Variants in TCF20 observed in about 807,000 individuals in gnomAD.
TCF20 encodes the protein SPRE-binding protein.
A neutral mutation model predicts 148.6 loss-of-function variants in TCF20; 3 were observed. That is an observed-to-expected ratio of 0.02 (90% confidence interval 0.01 to 0.05). The LOEUF is 0.05. Ranked by LOEUF, TCF20 falls within the 10% of genes least tolerant of loss-of-function variation. The pLI is 1.00. For missense variants in TCF20, 2,350 were observed against 2,429.3 expected (o/e 0.97, Z 0.69); for synonymous variants, 1,049 against 909.5 (o/e 1.15, Z -2.76).
rs576545128 is a variant in TCF20 at position 42,308,887 on chromosome 22, C to CAGAAATGGT, written c.-37+34583_-37+34591dup. Among the ~76,000 whole-genome samples the CAGAAATGGT allele has an allele frequency of 8.7e-4, 133 of 152,272 alleles. 1 individual carries two copies. Among genetic ancestry groups the CAGAAATGGT allele is most frequent in the African/African-American group, 2.7e-3 (114 of 41,540 alleles). On this transcript the variant is annotated intron_variant, in intron 1 of 1. Transcript: ENST00000515426. ...CTCTGAGCCTCAGTTTCCATCTCTACAGAAATGGTAGGTGGCACCTGCCTT... is the reference window on the plus strand; with the variant it reads ...CTCTGAGCCTCAGTTTCCATCTCTACAGAAATGGTAGAAATGGTAGGTGGCACCTGCCTT...
rs1480425777 is a variant in TCF20 at position 42,209,842 on chromosome 22, A to C, written c.5464T>G (p.Leu1822Val). ...ATEGSSEKTV[L>V]DSKPSVPTTS... The stretch of plus-strand genomic sequence containing the variant: ...GTGGGCACGGAGGGCTTCGAGTCCA[A>C]AACAGTCTTTTCACTGCTGCCCTCA... The change falls in exon 2 of 6, where the codon TTG becomes GTG. Residue 1822 changes from leucine (L) to valine (V), a missense_variant. Around this residue, in one of 7 missense-constraint regions of TCF20, gnomAD observed 374 missense variants for 398.3 expected, o/e 0.94. Coordinates refer to ENST00000677622, the MANE Select transcript of TCF20 (RefSeq NM_001378418.1). 1.2e-6 allele frequency: 2 copies of C among 1,614,160 alleles called. No homozygotes were observed. The highest frequency in any genetic ancestry group is 8.5e-7 in the Non-Finnish European group (1 of 1,180,022).
At chr22:42,315,036 G>A (rs1927604240) in intron 1 of TCF20, among the ~76,000 whole-genome samples, 1 of 152,060 alleles carries the variant, frequency 6.6e-6, no homozygotes, top group East Asian at 1.9e-4. Flanking sequence ...CAGGAAATTG[G>A]ATCTGATGAC....
chr22:42,212,083 G>A lies in TCF20; in HGVS notation c.3223C>T (p.Pro1075Ser). 2 of 1,614,086 alleles carry A rather than the reference G, an allele frequency of 1.2e-6. No homozygotes were observed. Among genetic ancestry groups the A allele is most frequent in the Non-Finnish European group, 1.7e-6 (2 of 1,180,020 alleles). Residue 1075 changes from proline (P) to serine (S), a missense_variant, in exon 2 of 6, where the codon CCT (proline) becomes TCT (serine). Transcript: ENST00000677622. ...AGCTGAGAATTCAAACCTGCGTTAG[G>A]GTCCCCATAAGCATGAGCCCGAGTA... ...ANTRAHAYGD[P>S]NAGLNSQLHY... is the part of the protein sequence containing the mutation.
Position 42,338,669 on chromosome 22 carries a change from A to G in TCF20, c.-37+4810T>C, listed in dbSNP as rs1469968408. On this transcript the variant is annotated intron_variant, in intron 1 of 1. Coordinates refer to the TCF20 transcript ENST00000515426. This position sits in a 1 kb window ranked among gnomAD's most constrained non-coding sequence, Gnocchi z 4.0. ...GACAGCCATGTTGCCAGCTCCTGCG[A>G]CGGAGGCTGCCAGGCGGGACGGGCT... is the stretch of plus-strand genomic sequence containing the variant. Among the ~76,000 whole-genome samples the G allele has an allele frequency of 1.3e-5, 2 of 152,230 alleles. No homozygotes were observed. Among genetic ancestry groups the G allele is most frequent in the East Asian group, 3.8e-4 (2 of 5,198 alleles).
chr22:42,218,961 G>C (rs1392764564), intron 1 of TCF20, among the ~76,000 whole-genome samples: 1 of 151,882 alleles, frequency 6.6e-6, no homozygotes, highest in Non-Finnish European at 1.5e-5. Context: ...AATATTCTTA[G>C]TATACATGAA....
chr22:42,255,419 G>T (rs552741229), intron 1 of TCF20, among the ~76,000 whole-genome samples: 1 of 152,040 alleles, frequency 6.6e-6, no homozygotes, highest in African/African-American at 2.4e-5. Flanking sequence ...AACCCGGGAG[G>T]AGGAGACTGC....
chr22:42,277,706 T>A (rs1310106673), intron 1 of TCF20, among the ~76,000 whole-genome samples: 1 of 152,150 alleles, frequency 6.6e-6, no homozygotes, highest in Non-Finnish European at 1.5e-5. Flanking sequence ...AAAGAGGAGA[T>A]GATGAAGGAT....
In TCF20 at chr22:42,219,552, T is replaced by C. The variant is rs569151344; in HGVS notation, c.-36-4211A>G. 4.0e-5 allele frequency among the ~76,000 whole-genome samples: 6 copies of C among 151,832 alleles called. No homozygotes were observed. In the South Asian group the frequency reaches 1.2e-3, roughly 32 times the overall value. ...AAAGGAATAAGTCACCTAAGGAACT[T>C]GCATACACACTCTAAAAAAGAGGCT... is the stretch of plus-strand genomic sequence containing the variant. On this transcript the variant is annotated intron_variant, in intron 1 of 5. Coordinates refer to ENST00000677622, the MANE Select transcript of TCF20 (RefSeq NM_001378418.1).
At position 42,212,070 on chromosome 22, in the gene TCF20, A is replaced by C. The variant is rs767412591; in HGVS notation, c.3236T>G (p.Leu1079Trp). ...AHAYGDPNAG[L>W]NSQLHYKRQM... ...TCTCTTATAATGCAGCTGAGAATTC[A>C]AACCTGCGTTAGGGTCCCCATAAGC... is the stretch of plus-strand genomic sequence containing the variant. The change falls in exon 2 of 6, where the codon TTG (leucine) becomes TGG (tryptophan). Residue 1079 changes from leucine (L) to tryptophan (W), a missense_variant. Coordinates refer to ENST00000677622, the MANE Select transcript of TCF20 (RefSeq NM_001378418.1). The C allele has an allele frequency of 1.2e-6, 2 of 1,614,136 alleles. No homozygotes were observed. The highest frequency in any genetic ancestry group is 2.2e-5 in the East Asian group (1 of 44,872).
At chr22:42,179,026 C>G (rs1936611686) in intron 3 of TCF20, among the ~76,000 whole-genome samples, 1 of 147,508 alleles carries the variant, frequency 6.8e-6, no homozygotes, top group South Asian at 2.1e-4. Flanking sequence ...ACCCACTGGG[C>G]TGGCTACAAT....
chr22:42,264,889 G>C (rs1254883037), intron 1 of TCF20, among the ~76,000 whole-genome samples: 1 of 152,166 alleles, frequency 6.6e-6, no homozygotes, highest in Non-Finnish European at 1.5e-5. Flanking sequence ...TCCACATTCA[G>C]GGACATGACA....
At chr22:42,281,697 AAAC>A (rs1169035381) in intron 1 of TCF20, among the ~76,000 whole-genome samples, 1 of 152,186 alleles carries the variant, frequency 6.6e-6, no homozygotes, top group African/African-American at 2.4e-5. Context: ...TGTGGGGAAA[AAAC>A]CCCTTGGGGT....
At chr22:42,189,447 T>C (rs944868021) in intron 2 of TCF20, among the ~76,000 whole-genome samples, 1 of 152,168 alleles carries the variant, frequency 6.6e-6, no homozygotes, top group African/African-American at 2.4e-5. Context: ...GAGAGCAAAA[T>C]CTCAACTGGT....
chr22:42,336,553 C>G (rs994840513), intron 1 of TCF20, among the ~76,000 whole-genome samples: 1 of 152,138 alleles, frequency 6.6e-6, no homozygotes, highest in African/African-American at 2.4e-5. Context: ...GTCTCTGCCT[C>G]CAAACCTGCT....
chr22:42,212,655 G>A lies in TCF20; in HGVS notation c.2651C>T (p.Ser884Leu), dbSNP rs1921114469. 4 of 1,614,202 alleles carry A rather than the reference G, an allele frequency of 2.5e-6. No homozygotes were observed. Among genetic ancestry groups the A allele is most frequent in the East Asian group, 2.2e-5 (1 of 44,890 alleles). Residue 884 changes from serine to leucine, a missense_variant, in exon 2 of 6, where the codon TCA becomes TTA. Ser to Leu is a moderately radical substitution (Grantham distance 145). Coordinates refer to ENST00000677622, the MANE Select transcript of TCF20 (RefSeq NM_001378418.1). ...RQIVRDPGAH[S>L]LGHMSADTRI... ...GGTGTCGGCACTCATGTGTCCCAGT[G>A]AGTGAGCCCCTGGGTCCCTGACAAT...
chr22:42,273,380 A>AAAAT (rs1368753483), upstream of TCF20, among the ~76,000 whole-genome samples: 10 of 151,278 alleles, frequency 6.6e-5, no homozygotes, highest in African/African-American at 2.4e-4. Flanking sequence ...AAAAAAAAAA[A>AAAAT]AAAAAAAATT....
At chr22:42,232,541 C>T (rs1013783235) in intron 1 of TCF20, among the ~76,000 whole-genome samples, 1 of 152,086 alleles carries the variant, frequency 6.6e-6, no homozygotes, top group African/African-American at 2.4e-5. Flanking sequence ...GCAACTAGTT[C>T]GATCGGCCGG....
At chr22:42,241,669 G>C (rs1053081116) in intron 1 of TCF20, among the ~76,000 whole-genome samples, 1 of 151,978 alleles carries the variant, frequency 6.6e-6, no homozygotes, top group African/African-American at 2.4e-5. Flanking sequence ...TCTACTAAAA[G>C]TACAAAAATT....
At chr22:42,172,971 A>C (rs915686218) in intron 3 of TCF20, among the ~76,000 whole-genome samples, 2 of 152,110 alleles carry the variant, frequency 1.3e-5, no homozygotes, top group Admixed American at 1.3e-4. Flanking sequence ...TCCCCCGGGG[A>C]GGAGTCAGAC....
Sources: gnomAD v4.1 joint callset for allele counts (sites outside exome capture counted in the v4.1 genomes callset) on GRCh38, gnomAD v4.1.1 for gene constraint, gnomAD v4.1.1 regional missense constraint, Gnocchi (gnomAD v3.1) non-coding constraint, MANE v1.5 for transcripts, NCBI Gene and HGNC (gene_info 2026-07-23, HGNC 2026-07-21) for gene names.